The following NETO1 variants were observed in gnomAD, a reference collection of about 807,000 sequenced individuals.
NETO1 encodes the protein neuropilin and tolloid-like protein 1.
In NETO1, 26 loss-of-function variants were observed where a neutral mutation model predicts 61.3. That is an observed-to-expected ratio of 0.42 (90% CI 0.31 to 0.59). The LOEUF (loss-of-function observed/expected upper bound fraction) is 0.59. Among genes scored for constraint, NETO1 ranks in the 20% least tolerant of loss-of-function variants. The pLI is 0.12. For missense variants in NETO1, 531 were observed against 662.8 expected (o/e 0.80, Z 2.18); for synonymous variants, 225 against 225.8 (o/e 1.00, Z 0.03).
chr18:72,837,568 A>G (rs1363313722), intron 4 of NETO1, among the ~76,000 whole-genome samples: 1 of 152,172 alleles, frequency 6.6e-6, no homozygotes, highest in Non-Finnish European at 1.5e-5. Flanking sequence ...AAAGTGGCTG[A>G]TTTTTGGTCA....
intron 4 of NETO1, among the ~76,000 whole-genome samples, chr18:72,824,718 A>AC (rs918142327): frequency 6.9e-6 from 1 of 144,136 alleles, no homozygotes; most frequent in African/African-American, 2.9e-5. Context: ...TACAAAAAAA[A>AC]AACAAACAAA....
chr18:72,785,217 C>T lies in NETO1; in HGVS notation c.640-1311G>A, dbSNP rs529778748. ...TTCTGTATGTATTTTTTTCTTATTT[C>T]GTAAAATCTGAAACTGATACGACAA... On this transcript the variant is annotated intron_variant, in intron 6 of 10. Coordinates refer to ENST00000327305, the MANE Select transcript of NETO1 (RefSeq NM_138966.5). Among the ~76,000 whole-genome samples, 24 of 146,596 alleles carry T rather than the reference C, an allele frequency of 1.6e-4. No individual in the cohort carries two copies. The East Asian group carries it at 4.7e-3, about 29-fold the overall frequency.
intron 7 of NETO1, among the ~76,000 whole-genome samples, chr18:72,780,658 G>T (rs1052681430): frequency 2.0e-4 from 31 of 152,004 alleles, no homozygotes; most frequent in African/African-American, 7.0e-4. Context: ...TTCAAATTTT[G>T]AATATCACAA....
At position 72,744,521 on chromosome 18, in the gene NETO1, G is replaced by A. The variant is rs1346407734; in HGVS notation, c.*3658C>T. On this transcript the variant is annotated 3_prime_UTR_variant, in exon 11 of 11. Transcript: ENST00000327305. ...ACAATTTCTTGGCTGGGTCCTTTACGCTAGAGTGCAATAGATAGAAATGAA... is the reference window on the plus strand; with the variant it reads ...ACAATTTCTTGGCTGGGTCCTTTACACTAGAGTGCAATAGATAGAAATGAA... 3 of 151,984 alleles carry A rather than the reference G, an allele frequency of 2.0e-5. No individual in the cohort carries two copies. The highest frequency in any genetic ancestry group is 3.9e-4 in the East Asian group (2 of 5,178). 9.4% of individuals were successfully genotyped at this position (151,984 alleles called of 1,614,324 possible).
intron 4 of NETO1, among the ~76,000 whole-genome samples, chr18:72,821,559 C>CAAA (rs11420100): frequency 0.049 from 4,224 of 87,030 alleles, 132 homozygotes; most frequent in African/African-American, 0.085. Context: ...GGGTGAAACT[C>CAAA]AAAAAAAAAA....
intron 4 of NETO1, among the ~76,000 whole-genome samples, chr18:72,809,842 C>T (rs895853552): frequency 2.6e-5 from 4 of 152,200 alleles, no homozygotes; most frequent in African/African-American, 9.6e-5. Flanking sequence ...TTTCTGCATA[C>T]TGCAAATATC....
intron 4 of NETO1, among the ~76,000 whole-genome samples, chr18:72,831,952 T>C (rs2073595143): frequency 6.6e-6 from 1 of 151,664 alleles, no homozygotes; most frequent in South Asian, 2.1e-4. Context: ...TTGAAAGTGT[T>C]ATTCTATATT....
intron 7 of NETO1, among the ~76,000 whole-genome samples, chr18:72,763,608 C>T (rs1260782794): frequency 6.6e-6 from 1 of 151,828 alleles, no homozygotes; most frequent in Admixed American, 6.6e-5. Flanking sequence ...CAAACACACA[C>T]ACCATTCACA....
intron 3 of NETO1, among the ~76,000 whole-genome samples, chr18:72,861,176 T>A (rs1361920567): frequency 6.6e-6 from 1 of 152,182 alleles, no homozygotes; most frequent in Non-Finnish European, 1.5e-5. Context: ...TGAGTCAACC[T>A]CTCGATGTTC....
chr18:72,848,465 G>A lies in NETO1; in HGVS notation c.469+10361C>T, dbSNP rs112267771. Among the ~76,000 whole-genome samples, 354 of 152,208 alleles carry A rather than the reference G, an allele frequency of 2.3e-3. 4 individuals carry two copies. Among genetic ancestry groups the A allele is most frequent in the African/African-American group, 8.3e-3 (343 of 41,514 alleles). Reference sequence around the variant, plus strand: ...AGACACAATTTCTCTCCATCGTTGAGCCATAAAATTCAAGAAATATGTTAC... The same window carrying A: ...AGACACAATTTCTCTCCATCGTTGAACCATAAAATTCAAGAAATATGTTAC... On this transcript the variant is annotated intron_variant, in intron 4 of 10. Transcript: ENST00000327305.
chr18:72,861,407 T>G (rs1398815897), intron 3 of NETO1, among the ~76,000 whole-genome samples: 1 of 152,130 alleles, frequency 6.6e-6, no homozygotes, highest in Non-Finnish European at 1.5e-5. Context: ...TAGAAACTAT[T>G]TGAAGCTCTC....
intron 7 of NETO1, among the ~76,000 whole-genome samples, chr18:72,780,531 C>T (rs954239923): frequency 6.6e-6 from 1 of 152,024 alleles, no homozygotes; most frequent in Non-Finnish European, 1.5e-5. Flanking sequence ...TGATGTTAGC[C>T]GGTCTTTTCA....
intron 7 of NETO1, among the ~76,000 whole-genome samples, chr18:72,769,126 G>A (rs113641564): frequency 4.1e-4 from 62 of 152,254 alleles, no homozygotes; most frequent in African/African-American, 1.4e-3. Flanking sequence ...CTGACAACTC[G>A]TGTCATAATT....
At chr18:72,814,467 A>G (rs1426896592) in intron 4 of NETO1, among the ~76,000 whole-genome samples, 5 of 152,052 alleles carry the variant, frequency 3.3e-5, no homozygotes, top group African/African-American at 1.2e-4. Context: ...AGTAGAAACT[A>G]AAAAAGAAAA....
intron 5 of NETO1, 24 bp downstream of exon 5, chr18:72,794,339 G>A: frequency 6.2e-7 from 1 of 1,612,856 alleles, no homozygotes; most frequent in South Asian, 1.1e-5. Context: ...CTTCTGAACA[G>A]TATTAAATAT....
intron 3 of NETO1, 127 bp downstream of exon 3, chr18:72,864,681 G>T: frequency 8.3e-7 from 1 of 1,202,522 alleles, no homozygotes. Flanking sequence ...ATTCACTCAA[G>T]AGATATTTTT....
chr18:72,807,714 G>A (rs372692322), intron 4 of NETO1, among the ~76,000 whole-genome samples: 70 of 77,192 alleles, frequency 9.1e-4, no homozygotes, highest in African/African-American at 2.4e-3. Context: ...ATGAAGACAA[G>A]AACACACACA....
intron 6 of NETO1, among the ~76,000 whole-genome samples, chr18:72,789,333 C>T (rs1046072403): frequency 6.6e-6 from 1 of 151,716 alleles, no homozygotes; most frequent in Non-Finnish European, 1.5e-5. Flanking sequence ...TTAAAGTCCA[C>T]CTGAGTAGCT....
chr18:72,838,568 C>T (rs923416136), intron 4 of NETO1, among the ~76,000 whole-genome samples: 6 of 152,180 alleles, frequency 3.9e-5, no homozygotes, highest in African/African-American at 1.4e-4. Flanking sequence ...CTCCTCCGCC[C>T]AGACTCCAGC....
Sources: gnomAD v4.1 joint callset for allele counts (sites outside exome capture counted in the v4.1 genomes callset) on GRCh38, gnomAD v4.1.1 for gene constraint, MANE v1.5 for transcripts, NCBI Gene and HGNC (gene_info 2026-07-23, HGNC 2026-07-21) for gene names.